Variants in CDC42BPA observed in about 807,000 individuals in gnomAD.
The protein encoded by CDC42BPA is CDC42 binding protein kinase alpha.
In CDC42BPA, 80 loss-of-function variants were observed where a neutral mutation model predicts 223.5. The observed-to-expected ratio is 0.36, with a 90% CI of 0.30 to 0.43. CDC42BPA has a LOEUF of 0.43. Among genes scored for constraint, CDC42BPA ranks in the 20% least tolerant of loss-of-function variants. The pLI is 1.00. For synonymous variants in CDC42BPA, 694 were observed against 718.6 expected (o/e 0.97, Z 0.55); for missense variants, 1,743 against 2,099.9 (o/e 0.83, Z 3.32).
At chr1:227,268,838 A>ACTACGC (rs1016392521) in intron 1 of CDC42BPA, among the ~76,000 whole-genome samples, 1 of 151,070 alleles carries the variant, frequency 6.6e-6, no homozygotes, top group African/African-American at 2.4e-5. Context: ...GGCACATGCT[A>ACTACGC]CTACGCCTGG....
At chr1:227,076,446 G>A (rs1377406923) in intron 17 of CDC42BPA, among the ~76,000 whole-genome samples, 4 of 152,018 alleles carry the variant, frequency 2.6e-5, no homozygotes, top group Admixed American at 2.6e-4. Flanking sequence ...TAGTAGAGAT[G>A]AGGCTTAGCC....
chr1:227,083,586 A>C (rs1385679342), intron 16 of CDC42BPA, among the ~76,000 whole-genome samples: 1 of 151,902 alleles, frequency 6.6e-6, no homozygotes, highest in Non-Finnish European at 1.5e-5. Flanking sequence ...CTTGGTTTTC[A>C]ATGATTTGGT....
At chr1:227,117,655 T>A (rs1462056340) in intron 12 of CDC42BPA, among the ~76,000 whole-genome samples, 1 of 152,048 alleles carries the variant, frequency 6.6e-6, no homozygotes, top group Non-Finnish European at 1.5e-5. Context: ...TCTTCACAGT[T>A]TTCAAAAAAT....
At chr1:227,078,557 A>G (rs1679964521) in intron 17 of CDC42BPA, among the ~76,000 whole-genome samples, 1 of 152,136 alleles carries the variant, frequency 6.6e-6, no homozygotes, top group African/African-American at 2.4e-5. Flanking sequence ...CTGATGAGCC[A>G]ATGGCGAGAA....
At chr1:227,164,738 A>C (rs578044690) in intron 5 of CDC42BPA, among the ~76,000 whole-genome samples, 8 of 152,358 alleles carry the variant, frequency 5.3e-5, no homozygotes, top group Non-Finnish European at 1.2e-4. Flanking sequence ...ACCCCTAACT[A>C]AATTTTTAAA....
rs1668774270 is a variant in CDC42BPA, at chr1:227,029,102, C to T, written c.3987G>A (p.Lys1329=). 1 of 1,613,342 alleles carries T rather than the reference C, an allele frequency of 6.2e-7. No homozygotes were observed. The highest frequency in any genetic ancestry group is 1.7e-5 in the Admixed American group (1 of 60,006). ...ALDGRETDFY[K]LSETKGCQTV... ...TTTGACACCCTTTAGTTTCTGACAGCTTGTAAAAATCGGTCTCTCGCCCAT... is the reference window on the plus strand; with the variant it reads ...TTTGACACCCTTTAGTTTCTGACAGTTTGTAAAAATCGGTCTCTCGCCCAT... Residue 1329 remains lysine (K), a synonymous_variant, in exon 30 of 37, where the codon AAG becomes AAA. Transcript: ENST00000366766.
In CDC42BPA at chr1:227,072,270, A is replaced by C. The variant is rs1678544634; in HGVS notation, c.2765T>G (p.Leu922Trp). 4 of 1,605,308 alleles carry C rather than the reference A, an allele frequency of 2.5e-6. No homozygotes were observed. The highest frequency in any genetic ancestry group is 2.6e-6 in the Non-Finnish European group (3 of 1,172,728). ...CKLKDSEKKN[L>W]ELLSEIEQLI... ...CTGTTCGATTTCTGAGAGTAGTTCC[A>C]AGTTCTTCTTCTCTGAATCTTTTAG... The change falls in exon 20 of 37, where the codon TTG becomes TGG. Residue 922 changes from leucine (L) to tryptophan (W), a missense_variant. Leu to Trp is a moderately conservative substitution (Grantham distance 61). Transcript: ENST00000366766.
At chr1:227,245,169 A>C (rs931751134) in intron 2 of CDC42BPA, among the ~76,000 whole-genome samples, 1 of 151,584 alleles carries the variant, frequency 6.6e-6, no homozygotes, top group Non-Finnish European at 1.5e-5. Flanking sequence ...TGACCTAGGG[A>C]GGCATCAGCT....
At chr1:227,171,254 C>T (rs763849208) in intron 5 of CDC42BPA, among the ~76,000 whole-genome samples, 1 of 152,118 alleles carries the variant, frequency 6.6e-6, no homozygotes, top group African/African-American at 2.4e-5. Flanking sequence ...TTCCTTGTCC[C>T]TAAACAAAAG....
chr1:227,009,001 G>A (rs1664656858), intron 34 of CDC42BPA, among the ~76,000 whole-genome samples: 1 of 152,164 alleles, frequency 6.6e-6, no homozygotes, highest in South Asian at 2.1e-4. Context: ...AAAGCTCAAA[G>A]GAGATGGGAA....
chr1:227,080,698 T>G (rs1309823670), intron 17 of CDC42BPA, among the ~76,000 whole-genome samples, 195 bp downstream of exon 17: 1 of 152,140 alleles, frequency 6.6e-6, no homozygotes, highest in Non-Finnish European at 1.5e-5. Context: ...TTGTTAGAGT[T>G]AGGGAACAGA....
intron 24 of CDC42BPA, among the ~76,000 whole-genome samples, chr1:227,038,877 GT>G (rs1258491494): frequency 6.6e-6 from 1 of 152,186 alleles, no homozygotes; most frequent in Non-Finnish European, 1.5e-5. Flanking sequence ...CATGGCAATA[GT>G]TTTTTGGGAT....
At position 227,194,022 on chromosome 1, in the gene CDC42BPA, C is replaced by T. The variant is rs1670244878; in HGVS notation, c.451-88G>A. 6 of 799,818 alleles carry T rather than the reference C, an allele frequency of 7.5e-6. No homozygotes were observed. The East Asian group carries it at 1.7e-4, about 23-fold the overall frequency. 49.5% of individuals were successfully genotyped at this position (799,818 alleles called of 1,614,324 possible). A position where few individuals can be genotyped will look rare whatever the true frequency, so the allele number is the denominator to read the frequency against. On this transcript the variant is annotated intron_variant, in intron 4 of 36. Transcript: ENST00000366766. The stretch of plus-strand genomic sequence containing the variant: ...TATCCCAAGGTCAACAGGACTGGGT[C>T]AAATATTTATGCAGTTAATTACATA...
intron 6 of CDC42BPA, among the ~76,000 whole-genome samples, chr1:227,148,208 A>G (rs369389589): frequency 6.6e-6 from 1 of 152,160 alleles, no homozygotes; most frequent in South Asian, 2.1e-4. Context: ...TAATCCCAGC[A>G]CTTTGGGAAG....
At chr1:227,204,116 T>G (rs1246552316) in intron 3 of CDC42BPA, among the ~76,000 whole-genome samples, 1 of 152,236 alleles carries the variant, frequency 6.6e-6, no homozygotes, top group Admixed American at 6.5e-5. Context: ...TGAATCTTTC[T>G]CTAATATTTG....
At position 227,051,929 on chromosome 1, in the gene CDC42BPA, C is replaced by A. The variant is rs1357485627; in HGVS notation, c.2961G>T (p.Gln987His). 4 of 1,366,378 alleles carry A rather than the reference C, an allele frequency of 2.9e-6. No individual in the cohort carries two copies. Among genetic ancestry groups the A allele is most frequent in the Non-Finnish European group, 3.9e-6 (4 of 1,021,828 alleles). The allele number at this position is 1,366,378 out of a possible 1,614,324, so 84.6% of individuals were successfully genotyped here. The change falls in exon 22 of 37, where the codon CAG (glutamine) becomes CAT (histidine). Residue 987 changes from glutamine to histidine, a missense_variant. Gln to His is a conservative substitution (Grantham distance 24). This residue lies in a region of CDC42BPA where 678 missense variants were observed against 777.5 expected (regional missense o/e 0.87). Coordinates refer to ENST00000366766, the MANE Select transcript of CDC42BPA (RefSeq NM_001394014.1). ...ATGTGGAAGGAGATGTGGACCGTGA[C>A]TGGATGTGAAACTTGACGCTCGGGT... ...VWNPSVKFHI[Q>H]SRSTSPSTSS...
At chr1:227,192,823 T>C (rs543610685) in intron 5 of CDC42BPA, among the ~76,000 whole-genome samples, 44 of 152,256 alleles carry the variant, frequency 2.9e-4, no homozygotes, top group African/African-American at 1.0e-3. Flanking sequence ...AAAATCTCTT[T>C]TGACACATAC....
intron 12 of CDC42BPA, among the ~76,000 whole-genome samples, chr1:227,117,557 C>T (rs1295462972): frequency 6.6e-6 from 1 of 152,128 alleles, no homozygotes; most frequent in African/African-American, 2.4e-5. Flanking sequence ...TCAAGTGATC[C>T]TCCTGCCTCA....
At chr1:227,209,841 G>A (rs1318020814) in intron 3 of CDC42BPA, among the ~76,000 whole-genome samples, 5 of 151,132 alleles carry the variant, frequency 3.3e-5, no homozygotes, top group East Asian at 1.9e-4. Context: ...GTCTCTGGCC[G>A]GCTTTGGTAT....
Sources: gnomAD v4.1 joint callset for allele counts (sites outside exome capture counted in the v4.1 genomes callset) on GRCh38, gnomAD v4.1.1 for gene constraint, gnomAD v4.1.1 regional missense constraint, MANE v1.5 for transcripts, NCBI Gene and HGNC (gene_info 2026-07-23, HGNC 2026-07-21) for gene names.